Variants in DGKD observed in about 807,000 individuals in gnomAD.
DGKD encodes the protein DAG kinase delta.
A neutral mutation model predicts 154.4 loss-of-function variants in DGKD; 68 were observed. The ratio of observed to expected loss-of-function variants is 0.44; its 90% confidence interval spans 0.36 to 0.54. The LOEUF is 0.54. Ranked by LOEUF, DGKD falls within the 20% of genes least tolerant of loss-of-function variation. DGKD has a pLI of 0.00. For missense variants in DGKD, 1,343 were observed against 1,593.6 expected (o/e 0.84, Z 2.68); for synonymous variants, 693 against 638.0 (o/e 1.09, Z -1.30).
In DGKD at chr2:233,449,846, G is replaced by A. The variant is rs987904505; in HGVS notation, c.1889-136G>A. 3.1e-5 allele frequency: 34 copies of A among 1,085,700 alleles called. No homozygotes were observed. The highest frequency in any genetic ancestry group is 6.5e-5 in the Admixed American group (2 of 30,782). The allele number at this position is 1,085,700 out of a possible 1,614,324, so 67.3% of individuals were successfully genotyped here. ...GGAAGATGGGTGGGGGTGGGGTTTC[G>A]GAGTCCAAGCCTTTAGCCAGAGGTT... is the stretch of plus-strand genomic sequence containing the variant. On this transcript the variant is annotated intron_variant, in intron 15 of 29. Coordinates refer to ENST00000264057, the MANE Select transcript of DGKD (RefSeq NM_152879.3). This position sits in a 1 kb window ranked among gnomAD's most constrained non-coding sequence, Gnocchi z 5.3.
At chr2:233,409,685 T>C (rs942427183) in intron 3 of DGKD, among the ~76,000 whole-genome samples, 1 of 151,930 alleles carries the variant, frequency 6.6e-6, no homozygotes, top group Non-Finnish European at 1.5e-5. Flanking sequence ...TGCTCTGTGG[T>C]AGGGAGACTG....
chr2:233,363,974 A>C (rs1177427149), intron 1 of DGKD, among the ~76,000 whole-genome samples: 3 of 152,240 alleles, frequency 2.0e-5, no homozygotes, highest in Non-Finnish European at 4.4e-5. Flanking sequence ...AGCAACTGAT[A>C]ACTGTAGCAC....
At chr2:233,436,587 T>C (rs2062704397) in intron 7 of DGKD, 146 bp downstream of exon 7, 6 of 1,182,716 alleles carry the variant, frequency 5.1e-6, no homozygotes, top group Non-Finnish European at 6.9e-6. Context: ...TTTGAACTGT[T>C]GGGTCATTCT....
chr2:233,446,326 G>A (rs2063069484), intron 11 of DGKD, among the ~76,000 whole-genome samples: 2 of 152,236 alleles, frequency 1.3e-5, no homozygotes, highest in Admixed American at 1.3e-4. Context: ...GAGCACAGTT[G>A]TGGTTTTGCA....
chr2:233,449,461 G>A lies in DGKD; in HGVS notation c.1888+85G>A. 1.3e-6 allele frequency: 2 copies of A among 1,486,126 alleles called. No individual in the cohort carries two copies. The highest frequency in any genetic ancestry group is 9.0e-7 in the Non-Finnish European group (1 of 1,114,514). 92.1% of individuals were successfully genotyped at this position (1,486,126 alleles called of 1,614,324 possible). On this transcript the variant is annotated intron_variant, in intron 15 of 29. Transcript: ENST00000264057. The surrounding 1 kb of genome is among the most constrained non-coding windows in gnomAD (Gnocchi z 5.3). ...TCCCCTGAACACGGAGATGACAGAA[G>A]GGTGCATGTTGAGAAAACCTCCACT...
intron 3 of DGKD, among the ~76,000 whole-genome samples, chr2:233,421,172 A>C (rs546078676): frequency 6.6e-6 from 1 of 152,286 alleles, no homozygotes; most frequent in African/African-American, 2.4e-5. Flanking sequence ...TGCCCTCAGC[A>C]TGTCCACACG....
chr2:233,455,781 C>G (rs939021744), intron 19 of DGKD, among the ~76,000 whole-genome samples: 1 of 152,212 alleles, frequency 6.6e-6, no homozygotes, highest in Non-Finnish European at 1.5e-5. Context: ...ACCTGAGGGT[C>G]CAGCTTTAGT....
chr2:233,469,337 C>G, intron 29 of DGKD, 34 bp from the exon 30 acceptor site: 2 of 1,575,960 alleles, frequency 1.3e-6, no homozygotes, highest in Non-Finnish European at 1.7e-6. Flanking sequence ...TGGCTGTCTT[C>G]TCGGCATCCA....
At chr2:233,400,413 C>G in intron 3 of DGKD, among the ~76,000 whole-genome samples, 1 of 152,180 alleles carries the variant, frequency 6.6e-6, no homozygotes, top group East Asian at 1.9e-4. Context: ...CCACAGGGCC[C>G]TTTGCCCTTC....
At chr2:233,422,645 G>A (rs2062158326) in intron 3 of DGKD, among the ~76,000 whole-genome samples, 1 of 152,194 alleles carries the variant, frequency 6.6e-6, no homozygotes, top group South Asian at 2.1e-4. Context: ...AACTTGCGCT[G>A]CCCACATACG....
At chr2:233,371,490 T>C (rs1702320182) in intron 1 of DGKD, among the ~76,000 whole-genome samples, 1 of 152,188 alleles carries the variant, frequency 6.6e-6, no homozygotes, top group Non-Finnish European at 1.5e-5. Context: ...ATTCTGTGAG[T>C]TGTGTTTTCA....
rs1391341374 is a variant in DGKD, at chr2:233,450,122, C to G, written c.2029C>G (p.Gln677Glu). 2 of 1,611,046 alleles carry G rather than the reference C, an allele frequency of 1.2e-6. No homozygotes were observed. Among genetic ancestry groups the G allele is most frequent in the South Asian group, 2.2e-5 (2 of 90,702 alleles). The change falls in exon 16 of 30, where the codon CAG becomes GAG. Residue 677 changes from glutamine to glutamate, a missense_variant. This residue lies in a region of DGKD where 409 missense variants were observed against 446.0 expected (regional missense o/e 0.92). Transcript: ENST00000264057. ...CTTCGGGGTCCCCAAGGGGAGGAGCCAGCGCAAAGGTACTTGTGCCTCCAC... is the reference window on the plus strand; with the variant it reads ...CTTCGGGGTCCCCAAGGGGAGGAGCGAGCGCAAAGGTACTTGTGCCTCCAC... ...ESFGVPKGRS[Q>E]RKVSKSPCEK...
chr2:233,401,853 G>C (rs779365910), intron 3 of DGKD, among the ~76,000 whole-genome samples: 19 of 142,514 alleles, frequency 1.3e-4, no homozygotes, highest in Non-Finnish European at 2.3e-4. Flanking sequence ...CCGGGAGGCA[G>C]AGGTTGCAGT....
chr2:233,358,283 G>A (rs1463779785), intron 1 of DGKD, among the ~76,000 whole-genome samples: 2 of 152,222 alleles, frequency 1.3e-5, no homozygotes, highest in Admixed American at 6.5e-5. Context: ...AGTTAAAAGA[G>A]TTTAATTTAT....
intron 1 of DGKD, among the ~76,000 whole-genome samples, chr2:233,360,984 G>GTT (rs10580286): frequency 1.3e-4 from 17 of 129,094 alleles, no homozygotes; most frequent in Non-Finnish European, 1.4e-4. Context: ...AGACAGTCAA[G>GTT]TTTTTTTTTT....
At chr2:233,432,648 G>A (rs1019669414) in intron 3 of DGKD, among the ~76,000 whole-genome samples, 102 of 152,140 alleles carry the variant, frequency 6.7e-4, no homozygotes, top group Non-Finnish European at 1.4e-3. Context: ...GACAGAGTGA[G>A]GCTCCGTCTC....
intron 3 of DGKD, among the ~76,000 whole-genome samples, chr2:233,416,206 A>G (rs138457611): frequency 3.5e-4 from 53 of 152,362 alleles, no homozygotes; most frequent in African/African-American, 1.3e-3. Context: ...AGAGTACAGT[A>G]TAAATATGCC....
At chr2:233,379,004 C>T (rs1001821481) in intron 1 of DGKD, among the ~76,000 whole-genome samples, 2 of 152,240 alleles carry the variant, frequency 1.3e-5, no homozygotes, top group African/African-American at 4.8e-5. Flanking sequence ...GTAGCCCAGC[C>T]TGGTTGGCAG....
chr2:233,394,250 T>C (rs1028044520), intron 3 of DGKD, among the ~76,000 whole-genome samples: 2 of 152,238 alleles, frequency 1.3e-5, no homozygotes, highest in Non-Finnish European at 2.9e-5. Flanking sequence ...AGCTTTTTTT[T>C]TCTTCTTTCC....
Sources: gnomAD v4.1 joint callset for allele counts (sites outside exome capture counted in the v4.1 genomes callset) on GRCh38, gnomAD v4.1.1 for gene constraint, gnomAD v4.1.1 regional missense constraint, Gnocchi (gnomAD v3.1) non-coding constraint, MANE v1.5 for transcripts, NCBI Gene and HGNC (gene_info 2026-07-23, HGNC 2026-07-21) for gene names.